Variants in COL12A1 observed in about 807,000 individuals in gnomAD.
COL12A1 encodes collagen type XII alpha 1 chain, also known as collagen alpha-1(XII) chain.
A neutral mutation model predicts 349.7 loss-of-function variants in COL12A1; 114 were observed. The ratio of observed to expected loss-of-function variants is 0.33; its 90% CI spans 0.28 to 0.38. The LOEUF is 0.38. Ranked by LOEUF, COL12A1 falls within the 10% of genes least tolerant of loss-of-function variation. The pLI is 1.00. For synonymous variants in COL12A1, 1,369 were observed against 1,329.0 expected (o/e 1.03, Z -0.66); for missense variants, 3,284 against 3,756.9 (o/e 0.87, Z 3.29).
intron 12 of COL12A1, among the ~76,000 whole-genome samples, chr6:75,176,709 A>T (rs191243591): frequency 1.3e-4 from 20 of 152,342 alleles, no homozygotes; most frequent in African/African-American, 4.8e-4. Flanking sequence ...TGATGATAAT[A>T]ATAACATAAA....
At position 75,113,593 on chromosome 6, in the gene COL12A1, A is replaced by C. The variant is rs774128333; in HGVS notation, c.7840+9T>G. 10 of 1,599,048 alleles carry C rather than the reference A, an allele frequency of 6.3e-6. No homozygotes were observed. Among genetic ancestry groups the C allele is most frequent in the Non-Finnish European group, 7.7e-6 (9 of 1,171,546 alleles). On this transcript the variant is annotated intron_variant, in intron 50 of 65. Coordinates refer to ENST00000322507, the MANE Select transcript of COL12A1 (RefSeq NM_004370.6). ...AAGTATGCATGTGCCTTAAGATAAA[A>C]ATTCTTACGATCTGCAATCACTCCA...
chr6:75,202,877 G>C, intron 1 of COL12A1, 50 bp from the exon 2 acceptor site: 19 of 1,319,694 alleles, frequency 1.4e-5, no homozygotes, highest in Non-Finnish European at 2.0e-5. Flanking sequence ...GGCAGGCCTT[G>C]AACCAGGTTA....
At chr6:75,162,283 G>T (rs1768063788) in intron 14 of COL12A1, among the ~76,000 whole-genome samples, 1 of 152,124 alleles carries the variant, frequency 6.6e-6, no homozygotes, top group Non-Finnish European at 1.5e-5. Flanking sequence ...AAACAGCACA[G>T]TACTGGTACC....
rs181357263 is a variant in COL12A1, at chr6:75,130,915, C to T, written c.6004G>A (p.Val2002Met). 16 of 1,614,110 alleles carry T rather than the reference C, an allele frequency of 9.9e-6. No individual in the cohort carries two copies. The highest frequency in any genetic ancestry group is 2.7e-5 in the African/African-American group (2 of 75,024). Reference sequence around the variant, plus strand: ...TCCGAGTACAGAGCCACAAGGTTCACGGAATAGAGTGTGTCCGGAATCAGC... The same window carrying T: ...TCCGAGTACAGAGCCACAAGGTTCATGGAATAGAGTGTGTCCGGAATCAGC... ...ERLIPDTLYS[V>M]NLVALYSDGE... The change falls in exon 36 of 66, where the codon GTG becomes ATG. Residue 2002 changes from valine to methionine, a missense_variant. Val to Met is a conservative substitution (Grantham distance 21). This residue lies in a region of COL12A1 where 2,601 missense variants were observed against 2,824.8 expected (regional missense o/e 0.92). Transcript: ENST00000322507.
At position 75,156,428 on chromosome 6, in the gene COL12A1, G is replaced by A. The variant is rs760621245; in HGVS notation, c.3079C>T (p.Arg1027Cys). The change falls in exon 15 of 66, where the codon CGT (arginine) becomes TGT (cysteine). Residue 1027 changes from arginine (R) to cysteine (C), a missense_variant. Coordinates refer to ENST00000322507, the MANE Select transcript of COL12A1 (RefSeq NM_004370.6). Reference sequence around the variant, plus strand: ...CTCCCATGAGGGCGATAGACAACACGGTAGTTGACGACTTTCCCTGGTGCT... The same window carrying A: ...CTCCCATGAGGGCGATAGACAACACAGTAGTTGACGACTTTCCCTGGTGCT... ...KPAPGKVVNYRVVYRPHGRGK... is the reference protein window; with the variant it reads ...KPAPGKVVNYCVVYRPHGRGK... 7.4e-6 allele frequency: 12 copies of A among 1,613,780 alleles called. No homozygotes were observed. Among genetic ancestry groups the A allele is most frequent in the South Asian group, 1.1e-5 (1 of 91,080 alleles).
intron 58 of COL12A1, 68 bp downstream of exon 58, chr6:75,101,532 T>A: frequency 1.3e-6 from 2 of 1,497,384 alleles, no homozygotes; most frequent in South Asian, 2.4e-5. Flanking sequence ...TTTTGAAGGG[T>A]TCTTAATTAA....
At chr6:75,171,324 T>C (rs1182050469) in intron 13 of COL12A1, among the ~76,000 whole-genome samples, 2 of 152,188 alleles carry the variant, frequency 1.3e-5, no homozygotes, top group Non-Finnish European at 2.9e-5. Flanking sequence ...CATACAGTAC[T>C]ACAGCCAACC....
chr6:75,125,900 T>G (rs969634514), intron 39 of COL12A1, among the ~76,000 whole-genome samples: 4 of 152,136 alleles, frequency 2.6e-5, no homozygotes, highest in Admixed American at 6.6e-5. Flanking sequence ...AACAAATAAT[T>G]TAATCAAGGT....
At chr6:75,203,952 C>T (rs927811720) in intron 1 of COL12A1, among the ~76,000 whole-genome samples, 1 of 152,260 alleles carries the variant, frequency 6.6e-6, no homozygotes, top group African/African-American at 2.4e-5. Context: ...GTCGAGGCCT[C>T]TTTGAGAAAA....
At position 75,095,105 on chromosome 6, in the gene COL12A1, T is replaced by C. The variant is rs1330130554; in HGVS notation, c.8649+3A>G. 1 of 1,613,996 alleles carries C rather than the reference T, an allele frequency of 6.2e-7. No homozygotes were observed. Among genetic ancestry groups the C allele is most frequent in the Non-Finnish European group, 8.5e-7 (1 of 1,179,916 alleles). On this transcript the variant is annotated splice_donor_region_variant and intron_variant, in intron 60 of 65. Transcript: ENST00000322507. ...TCAGTAGACATGCAAGCTGTCCGCT[T>C]ACTGGTCTGCCATGATCTCCAGGTT... is the stretch of plus-strand genomic sequence containing the variant.
At chr6:75,086,631 C>T (rs975066597) in intron 65 of COL12A1, 74 bp from the exon 66 acceptor site, 46 of 993,958 alleles carry the variant, frequency 4.6e-5, no homozygotes, top group South Asian at 2.4e-4. Context: ...CATCCATCTA[C>T]GTATGTAATG....
intron 64 of COL12A1, 22 bp from the exon 65 acceptor site, chr6:75,087,769 T>C: frequency 6.2e-7 from 1 of 1,600,814 alleles, no homozygotes; most frequent in Non-Finnish European, 8.5e-7. Context: ...TTAAAACAAA[T>C]ATATTTCCCC....
intron 58 of COL12A1, among the ~76,000 whole-genome samples, chr6:75,099,811 G>A (rs1768220382): frequency 6.6e-6 from 1 of 152,128 alleles, no homozygotes; most frequent in African/African-American, 2.4e-5. Flanking sequence ...CGTCTCTGCT[G>A]AAGACAATCT....
At chr6:75,127,883 A>G (rs768919395) in intron 38 of COL12A1, among the ~76,000 whole-genome samples, 2 of 152,182 alleles carry the variant, frequency 1.3e-5, no homozygotes, top group Non-Finnish European at 2.9e-5. Context: ...ATGATTGCTC[A>G]TCATCTCATT....
chr6:75,128,819 C>T (rs538813323), intron 37 of COL12A1, among the ~76,000 whole-genome samples: 102 of 152,284 alleles, frequency 6.7e-4, no homozygotes, highest in African/African-American at 2.3e-3. Context: ...ACCCAGTACC[C>T]GCTGTGGACC....
At chr6:75,182,264 G>A (rs529464891) in intron 10 of COL12A1, among the ~76,000 whole-genome samples, 1,971 of 144,466 alleles carry the variant, frequency 0.014, 40 homozygotes, top group African/African-American at 0.048. Flanking sequence ...AGAACGTGCA[G>A]TTTTGTTACA....
At position 75,202,832 on chromosome 6, in the gene COL12A1, G is replaced by A. The variant is rs749152791; in HGVS notation, c.-35-5C>T. 16 of 1,538,748 alleles carry A rather than the reference G, an allele frequency of 1.0e-5. No homozygotes were observed. Among genetic ancestry groups the A allele is most frequent in the Admixed American group, 9.8e-5 (5 of 50,944 alleles). On this transcript the variant is annotated splice_polypyrimidine_tract_variant and splice_region_variant and intron_variant, in intron 1 of 65. Transcript: ENST00000322507. ...CTTACAGCGGCATGAAGAGATCTGCGGGAGGAAGTAGTGACTGCATCAGAA... is the reference window on the plus strand; with the variant it reads ...CTTACAGCGGCATGAAGAGATCTGCAGGAGGAAGTAGTGACTGCATCAGAA...
intron 49 of COL12A1, 111 bp downstream of exon 49, chr6:75,115,673 T>C: frequency 7.5e-7 from 1 of 1,329,168 alleles, no homozygotes; most frequent in Middle Eastern, 2.7e-4. Flanking sequence ...GGGTCATCCA[T>C]AAGCAGTCTT....
intron 1 of COL12A1, among the ~76,000 whole-genome samples, chr6:75,204,480 C>G (rs368217344): frequency 3.7e-4 from 56 of 152,300 alleles, no homozygotes; most frequent in African/African-American, 1.3e-3. Flanking sequence ...GAACGCCAGC[C>G]AGCCAAGCAT....
Sources: gnomAD v4.1 joint callset for allele counts (sites outside exome capture counted in the v4.1 genomes callset) on GRCh38, gnomAD v4.1.1 for gene constraint, gnomAD v4.1.1 regional missense constraint, MANE v1.5 for transcripts, NCBI Gene and HGNC (gene_info 2026-07-23, HGNC 2026-07-21) for gene names.